FBXO4: variants seen among roughly 807,000 people sequenced by gnomAD.
The protein encoded by FBXO4 is F-box protein 4.
FBXO4 carries 36 observed loss-of-function variants against 43.7 expected under a neutral mutation model. The ratio of observed to expected loss-of-function variants is 0.82; its 90% CI spans 0.63 to 1.09. FBXO4 has a LOEUF of 1.09. Ranked by LOEUF, FBXO4 falls within the 50% of genes least tolerant of loss-of-function variation. The pLI, the probability that FBXO4 is intolerant of heterozygous loss-of-function variation, is 0.00. For synonymous variants in FBXO4, 180 were observed against 165.6 expected (o/e 1.09, Z -0.67); for missense variants, 435 against 474.1 (o/e 0.92, Z 0.77).
chr5:41,976,210 A>C, the FBXO4 span, among the ~76,000 whole-genome samples: 1 of 152,186 alleles, frequency 6.6e-6, no homozygotes, highest in East Asian at 1.9e-4. Flanking sequence ...AAAAATGTCC[A>C]AACTATATCA....
At chr5:41,950,635 C>A in the FBXO4 span, among the ~76,000 whole-genome samples, 1 of 152,130 alleles carries the variant, frequency 6.6e-6, no homozygotes, top group Non-Finnish European at 1.5e-5. Flanking sequence ...TTAGTTCAAC[C>A]ATTGTGGAAG....
the FBXO4 span, among the ~76,000 whole-genome samples, chr5:42,009,375 ATGTGTGTGTGTGTGTG>A: frequency 1.1e-4 from 16 of 143,686 alleles, no homozygotes; most frequent in African/African-American, 3.3e-4. Context: ...GTGTGTGTGT[ATGTGTGTGTGTGTGTG>A]TGTGTGTGTG....
the FBXO4 span, among the ~76,000 whole-genome samples, chr5:41,998,129 C>T: frequency 1.9e-3 from 295 of 152,282 alleles, 4 homozygotes; most frequent in Admixed American, 0.015. Context: ...TGCCACTTTG[C>T]CTCTGGTGTC....
chr5:42,028,529 T>A, the FBXO4 span, among the ~76,000 whole-genome samples: 1 of 151,858 alleles, frequency 6.6e-6, no homozygotes, highest in Non-Finnish European at 1.5e-5. Flanking sequence ...TATTCAATGT[T>A]ACTATTGAGA....
chr5:42,028,645 T>C, the FBXO4 span, among the ~76,000 whole-genome samples: 5 of 151,856 alleles, frequency 3.3e-5, no homozygotes, highest in African/African-American at 1.2e-4. Flanking sequence ...AGCATGTTTT[T>C]CTCTGGTGAT....
chr5:42,008,418 C>T, the FBXO4 span, among the ~76,000 whole-genome samples: 1 of 152,062 alleles, frequency 6.6e-6, no homozygotes, highest in Admixed American at 6.6e-5. Context: ...TTTGGGCAGG[C>T]TGTTTGAAAA....
the FBXO4 span, among the ~76,000 whole-genome samples, chr5:41,987,351 C>T: frequency 9.2e-5 from 14 of 152,156 alleles, no homozygotes; most frequent in Non-Finnish European, 1.5e-4. Flanking sequence ...AACTGACCTC[C>T]CCTAACCTGG....
At chr5:41,953,859 G>A in the FBXO4 span, among the ~76,000 whole-genome samples, 1 of 151,968 alleles carries the variant, frequency 6.6e-6, no homozygotes, top group Middle Eastern at 3.4e-3. Flanking sequence ...TTTTTTTCTT[G>A]TAAATTTGTT....
At chr5:41,999,551 A>ATG in the FBXO4 span, among the ~76,000 whole-genome samples, 1 of 133,596 alleles carries the variant, frequency 7.5e-6, no homozygotes, top group African/African-American at 3.0e-5. Context: ...ATATGTATAT[A>ATG]TATATATATA....
At chr5:42,038,239 G>A in the FBXO4 span, among the ~76,000 whole-genome samples, 3 of 152,050 alleles carry the variant, frequency 2.0e-5, no homozygotes, top group Non-Finnish European at 2.9e-5. Flanking sequence ...TGTTCACCAC[G>A]AAGCAAGACG....
chr5:42,018,638 C>A, the FBXO4 span, among the ~76,000 whole-genome samples: 1 of 152,182 alleles, frequency 6.6e-6, no homozygotes, highest in South Asian at 2.1e-4. Flanking sequence ...TTTTTACATG[C>A]TTTCTCAAAT....
At chr5:42,003,690 C>T in the FBXO4 span, among the ~76,000 whole-genome samples, 3 of 124,880 alleles carry the variant, frequency 2.4e-5, no homozygotes, top group Non-Finnish European at 4.9e-5. Context: ...CACAACAGGC[C>T]CCAGTGTGTG....
At chr5:41,983,428 T>G in the FBXO4 span, among the ~76,000 whole-genome samples, 21 of 148,962 alleles carry the variant, frequency 1.4e-4, no homozygotes, top group African/African-American at 4.8e-4. Flanking sequence ...GTCAACTTTA[T>G]CATTTCTGTC....
chr5:41,957,609 G>T, the FBXO4 span, among the ~76,000 whole-genome samples: 2 of 150,598 alleles, frequency 1.3e-5, no homozygotes, highest in Admixed American at 6.6e-5. Context: ...CTTTTTCATA[G>T]GTTTCAATTC....
At chr5:42,010,301 C>A in the FBXO4 span, among the ~76,000 whole-genome samples, 1 of 151,994 alleles carries the variant, frequency 6.6e-6, no homozygotes, top group South Asian at 2.1e-4. Flanking sequence ...AGTACAAGAC[C>A]AGCCTGGTCA....
the FBXO4 span, among the ~76,000 whole-genome samples, chr5:41,997,120 C>T: frequency 1.3e-5 from 2 of 152,206 alleles, no homozygotes; most frequent in Non-Finnish European, 2.9e-5. Context: ...GCCTTACAGA[C>T]AGGAATGGAG....
At chr5:42,025,168 T>C in the FBXO4 span, among the ~76,000 whole-genome samples, 1 of 151,926 alleles carries the variant, frequency 6.6e-6, no homozygotes, top group Non-Finnish European at 1.5e-5. Context: ...TTTACATTCC[T>C]GCTAATAGTG....
chr5:42,000,180 TC>T, the FBXO4 span, among the ~76,000 whole-genome samples: 25 of 152,232 alleles, frequency 1.6e-4, no homozygotes, highest in African/African-American at 6.0e-4. Flanking sequence ...GAATAACATT[TC>T]ATTAAATAAT....
intron 3 of FBXO4, among the ~76,000 whole-genome samples, chr5:41,932,622 G>T (rs776103815): frequency 6.6e-5 from 10 of 152,186 alleles, no homozygotes; most frequent in Non-Finnish European, 1.5e-4. Flanking sequence ...GCTTTGTAGA[G>T]AAGACAATTA....
Sources: allele counts gnomAD v4.1 joint callset (sites outside exome capture counted in the v4.1 genomes callset), GRCh38; gene constraint gnomAD v4.1.1; transcripts MANE v1.5; gene names NCBI Gene and HGNC (gene_info 2026-07-23, HGNC 2026-07-21).